Variants in RELCH observed in about 807,000 individuals in gnomAD.
RELCH encodes RAB11 binding and LisH domain, coiled-coil and HEAT repeat containing.
RELCH carries 41 observed loss-of-function variants against 150.3 expected under a neutral mutation model. The ratio of observed to expected loss-of-function variants is 0.27; its 90% confidence interval spans 0.21 to 0.35. The LOEUF (loss-of-function observed/expected upper bound fraction) is 0.35. RELCH is among the 10% of genes least tolerant of loss of function. The pLI, the probability that RELCH is intolerant of heterozygous loss-of-function variation, is 1.00. For missense variants in RELCH, 1,092 were observed against 1,467.8 expected (o/e 0.74, Z 4.18); for synonymous variants, 478 against 531.8 (o/e 0.90, Z 1.39).
intron 27 of RELCH, among the ~76,000 whole-genome samples, chr18:62,298,120 C>A (rs1168583669): frequency 6.8e-6 from 1 of 148,076 alleles, no homozygotes; most frequent in Non-Finnish European, 1.5e-5. Flanking sequence ...AGATACCTAG[C>A]CCGTAGTAGG....
intron 11 of RELCH, chr18:62,246,733 A>T (rs1226228264): frequency 6.6e-6 from 1 of 152,216 alleles, no homozygotes; most frequent in East Asian, 1.9e-4. Flanking sequence ...TATCTAAGGC[A>T]GTCAGTTATT....
At chr18:62,223,500 G>A (rs2041013535) in intron 5 of RELCH, among the ~76,000 whole-genome samples, 1 of 151,936 alleles carries the variant, frequency 6.6e-6, no homozygotes, top group Non-Finnish European at 1.5e-5. Context: ...TTGCAAATTT[G>A]ACCAAACATT....
chr18:62,245,708 T>G (rs2042374228), intron 11 of RELCH: 1 of 151,918 alleles, frequency 6.6e-6, no homozygotes, highest in African/African-American at 2.4e-5. Flanking sequence ...TATCTTGTAT[T>G]TTTGAGGGAC....
At position 62,308,576 on chromosome 18, in the gene RELCH, G is replaced by A. The variant is rs2037324394; in HGVS notation, c.*3042G>A. ...CTCTAAAAATACAAAAATTAGCCAG[G>A]CGTGGTGACGTGGGCCTGTAATCCC... On this transcript the variant is annotated 3_prime_UTR_variant, in exon 29 of 29. Transcript: ENST00000644646. The A allele has an allele frequency of 6.6e-6, 1 of 152,152 alleles. No individual in the cohort carries two copies. The highest frequency in any genetic ancestry group is 6.6e-5 in the Admixed American group (1 of 15,266). The allele number at this position is 152,152 out of a possible 1,614,324, so 9.4% of individuals were successfully genotyped here. A position where few individuals can be genotyped will look rare whatever the true frequency, so the allele number is the denominator to read the frequency against.
chr18:62,189,387 T>C (rs183285340), intron 1 of RELCH, among the ~76,000 whole-genome samples: 1 of 152,024 alleles, frequency 6.6e-6, no homozygotes, highest in Non-Finnish European at 1.5e-5. Context: ...CCTCCAGGCT[T>C]AGGTAGTTGC....
chr18:62,201,421 G>A (rs1167597412), intron 1 of RELCH, among the ~76,000 whole-genome samples: 1 of 151,920 alleles, frequency 6.6e-6, no homozygotes, highest in Non-Finnish European at 1.5e-5. Flanking sequence ...AAGCATGGTT[G>A]AATAAATCGT....
intron 11 of RELCH, among the ~76,000 whole-genome samples, chr18:62,250,790 A>G (rs886073826): frequency 6.6e-6 from 1 of 152,268 alleles, no homozygotes; most frequent in Admixed American, 6.5e-5. Flanking sequence ...GTCATTTTGC[A>G]GTTAATTTAA....
At chr18:62,289,696 T>C (rs2045011483) in intron 26 of RELCH, among the ~76,000 whole-genome samples, 1 of 152,214 alleles carries the variant, frequency 6.6e-6, no homozygotes, top group African/African-American at 2.4e-5. Context: ...CTTCTTTCAT[T>C]GTTAGCAGTC....
intron 13 of RELCH, among the ~76,000 whole-genome samples, chr18:62,256,489 T>C (rs2042997705): frequency 6.6e-6 from 1 of 152,072 alleles, no homozygotes; most frequent in South Asian, 2.1e-4. Context: ...TTATTATTTA[T>C]TGTTCCAAGA....
rs1192353766 is a variant in RELCH, at chr18:62,227,426, A to C, written c.996A>C (p.Glu332Asp). The change falls in exon 6 of 29, where the codon GAA becomes GAC. Residue 332 changes from glutamate to aspartate, a missense_variant. This residue lies in a region of RELCH where 57 missense variants were observed against 41.5 expected (regional missense o/e 1.37). Transcript: ENST00000644646. ...VDVASGVEED[E>D]LEALTPIISN... ...TGGCCAGTGGAGTAGAAGAAGATGA[A>C]TTAGAGGCCCTTACACCAATTATAA... The C allele has an allele frequency of 8.7e-6, 14 of 1,613,446 alleles. No homozygotes were observed. The highest frequency in any genetic ancestry group is 1.1e-5 in the Non-Finnish European group (13 of 1,179,654).
rs2045782542 is a variant in RELCH, at chr18:62,304,084, A to AG, written c.3531-1324dup. ...AAATAGTAGAACCACTGGCAAAAAG[A>AG]GGGGGGAGTTAAAATGGAGAGTTAT... On this transcript the variant is annotated intron_variant, in intron 28 of 28. Coordinates refer to ENST00000644646, the MANE Select transcript of RELCH (RefSeq NM_001346231.2). Among the ~76,000 whole-genome samples, 3 of 149,436 alleles carry AG rather than the reference A, an allele frequency of 2.0e-5. No individual in the cohort carries two copies. In the South Asian group the frequency reaches 6.2e-4, roughly 31 times the overall value.
At chr18:62,256,448 A>G (rs931154058) in intron 13 of RELCH, among the ~76,000 whole-genome samples, 1 of 152,064 alleles carries the variant, frequency 6.6e-6, no homozygotes, top group African/African-American at 2.4e-5. Context: ...GTGATAAATC[A>G]TACAGATTGA....
At chr18:62,222,792 C>G (rs2040963958) in intron 5 of RELCH, among the ~76,000 whole-genome samples, 1 of 151,942 alleles carries the variant, frequency 6.6e-6, no homozygotes, top group African/African-American at 2.4e-5. Flanking sequence ...TCAAATGGTT[C>G]ACTTACAAAG....
chr18:62,278,195 C>G (rs1351158730), intron 22 of RELCH, among the ~76,000 whole-genome samples: 2 of 152,110 alleles, frequency 1.3e-5, no homozygotes, highest in South Asian at 2.1e-4. Context: ...TACATTACCT[C>G]TTTTTTAATG....
chr18:62,211,367 G>A, intron 2 of RELCH, 125 bp downstream of exon 2: 1 of 516,948 alleles, frequency 1.9e-6, no homozygotes, highest in Non-Finnish European at 3.4e-6. Context: ...ATTATACAAA[G>A]TTATGTTACT....
At chr18:62,188,100 G>C (rs1160352784) in intron 1 of RELCH, 69 bp downstream of exon 1, 2 of 1,440,792 alleles carry the variant, frequency 1.4e-6, no homozygotes, top group Non-Finnish European at 1.8e-6. Flanking sequence ...GTAGGGGAGA[G>C]GGGGTATTTC....
intron 22 of RELCH, 47 bp downstream of exon 22, chr18:62,275,520 T>G: frequency 7.8e-7 from 1 of 1,277,234 alleles, no homozygotes; most frequent in Middle Eastern, 1.9e-4. Context: ...ATGATTTTTT[T>G]TTTTTTGCGA....
intron 11 of RELCH, chr18:62,246,992 T>C (rs963920657): frequency 7.2e-5 from 11 of 152,332 alleles, no homozygotes; most frequent in Middle Eastern, 3.4e-3. Context: ...CTGTATAGCA[T>C]AAATTATCAT....
At chr18:62,237,588 T>C (rs1354321902) in intron 10 of RELCH, among the ~76,000 whole-genome samples, 1 of 151,860 alleles carries the variant, frequency 6.6e-6, no homozygotes, top group Non-Finnish European at 1.5e-5. Flanking sequence ...ATTAGTGTTT[T>C]CAAACTTTGA....
Sources: allele counts gnomAD v4.1 joint callset (sites outside exome capture counted in the v4.1 genomes callset), GRCh38; gene constraint gnomAD v4.1.1; regional missense constraint gnomAD v4.1.1; transcripts MANE v1.5; gene names NCBI Gene and HGNC (gene_info 2026-07-23, HGNC 2026-07-21).